FBXO30: variants seen among roughly 807,000 people sequenced by gnomAD.
FBXO30 encodes the protein F-box protein 30, also known as F-box only protein 30.
FBXO30 carries 21 observed loss-of-function variants against 58.1 expected under a neutral mutation model. That is an observed-to-expected ratio of 0.36 (90% CI 0.26 to 0.52). FBXO30 has a LOEUF of 0.52. Ranked by LOEUF, FBXO30 falls within the 20% of genes least tolerant of loss-of-function variation. FBXO30 has a pLI of 0.93. For missense variants in FBXO30, 744 were observed against 897.3 expected (o/e 0.83, Z 2.18); for synonymous variants, 309 against 312.4 (o/e 0.99, Z 0.11).
rs771284799 is a variant in FBXO30 at position 145,805,892 on chromosome 6, C to T, written c.514G>A (p.Val172Met). The change falls in exon 2 of 3, where the codon GTG becomes ATG. Residue 172 changes from valine (V) to methionine (M), a missense_variant. Transcript: ENST00000237281. ...CCATAAGATTCTTCATCAACAGACA[C>T]TAAACCATTAGCATGTGGTATTTCT... ...VPEIPHANGL[V>M]SVDEESYGAL... The T allele has an allele frequency of 6.2e-7, 1 of 1,614,052 alleles. No homozygotes were observed.
chr6:145,804,961 G>A lies in FBXO30; in HGVS notation c.1445C>T (p.Ala482Val), dbSNP rs1305290753. Residue 482 changes from alanine (A) to valine (V), a missense_variant, in exon 2 of 3, where the codon GCT becomes GTT. Physicochemically the swap from Ala to Val is moderately conservative, Grantham distance 64. Transcript: ENST00000237281. ...AAGCTGTGGATTGGCATGATCACAA[G>A]CTGAAGCTGAAGCTATCTCCCCAAC... Reference protein sequence around the residue: ...TMVGEIASASACDHANPQLSN... With the variant: ...TMVGEIASASVCDHANPQLSN... 2 of 1,613,880 alleles carry A rather than the reference G, an allele frequency of 1.2e-6. No homozygotes were observed. The highest frequency in any genetic ancestry group is 1.7e-6 in the Non-Finnish European group (2 of 1,179,928).
rs1777893170 is a variant in FBXO30, at chr6:145,797,781, A to G, written c.*2325T>C. 1 of 152,058 alleles carries G rather than the reference A, an allele frequency of 6.6e-6. No homozygotes were observed. Among genetic ancestry groups the G allele is most frequent in the East Asian group, 1.9e-4 (1 of 5,202 alleles). 9.4% of individuals were successfully genotyped at this position (152,058 alleles called of 1,614,324 possible). A position where few individuals can be genotyped will look rare whatever the true frequency, so the allele number is the denominator to read the frequency against. On this transcript the variant is annotated 3_prime_UTR_variant, in exon 3 of 3. Transcript: ENST00000237281. ...AATTCAAATACTTCCCTCCATCCCG[A>G]TGCTTGCCTTTTACCTTGCTATTTA...
Position 145,799,437 on chromosome 6 carries a change from G to A in FBXO30, c.*669C>T, listed in dbSNP as rs1165531719. On this transcript the variant is annotated 3_prime_UTR_variant, in exon 3 of 3. Transcript: ENST00000237281. The stretch of plus-strand genomic sequence containing the variant: ...CCTGTCATATAACACACTGCGATGA[G>A]TCTTCGGATGTGGCATCTAACAAAA... 6.6e-6 allele frequency: 1 copy of A among 152,218 alleles called. No individual in the cohort carries two copies. Among genetic ancestry groups the A allele is most frequent in the Non-Finnish European group, 1.5e-5 (1 of 68,016 alleles). 9.4% of individuals were successfully genotyped at this position (152,218 alleles called of 1,614,324 possible).
In FBXO30 at chr6:145,798,105, C is replaced by T. The variant is rs1446427058; in HGVS notation, c.*2001G>A. Reference sequence around the variant, plus strand: ...ACTACCATAACATGCAGAAAATCCACATTACAGAAACAATATGATTGTGTT... The same window carrying T: ...ACTACCATAACATGCAGAAAATCCATATTACAGAAACAATATGATTGTGTT... On this transcript the variant is annotated 3_prime_UTR_variant, in exon 3 of 3. Coordinates refer to ENST00000237281, the MANE Select transcript of FBXO30 (RefSeq NM_032145.5). 1.3e-5 allele frequency: 2 copies of T among 151,990 alleles called. No individual in the cohort carries two copies. Among genetic ancestry groups the T allele is most frequent in the African/African-American group, 4.8e-5 (2 of 41,402 alleles). 9.4% of individuals were successfully genotyped at this position (151,990 alleles called of 1,614,324 possible). A position where few individuals can be genotyped will look rare whatever the true frequency, so the allele number is the denominator to read the frequency against.
In FBXO30 at chr6:145,806,391, C is replaced by G; in HGVS notation, c.15G>C (p.Leu5=). The G allele has an allele frequency of 6.2e-7, 1 of 1,613,430 alleles. No individual in the cohort carries two copies. The highest frequency in any genetic ancestry group is 8.5e-7 in the Non-Finnish European group (1 of 1,179,890). Residue 5 remains leucine (L), a synonymous_variant, in exon 2 of 3, where the codon CTG becomes CTC. Coordinates refer to ENST00000237281, the MANE Select transcript of FBXO30 (RefSeq NM_032145.5). MEEE[L]QHSHCVNCVS... The stretch of plus-strand genomic sequence containing the variant: ...CACAATTCACACAATGGGAATGCTG[C>G]AGCTCCTCCTCCATAATGGCCAGTC...
At position 145,804,494 on chromosome 6, in the gene FBXO30, A is replaced by G. The variant is rs1431414474; in HGVS notation, c.1912T>C (p.Cys638Arg). The G allele has an allele frequency of 1.9e-6, 3 of 1,613,724 alleles. No homozygotes were observed. The highest frequency in any genetic ancestry group is 1.1e-5 in the South Asian group (1 of 91,068). ...ACATCCCTCATTAACTTGGATACAC[A>G]TGAGAGCTGACATAAGCTGAAGCCA... Reference protein sequence around the residue: ...LDGFSLCQLSCVSKLMRDVCG... With the variant: ...LDGFSLCQLSRVSKLMRDVCG... The change falls in exon 2 of 3, where the codon TGT becomes CGT. Residue 638 changes from cysteine to arginine, a missense_variant. Coordinates refer to ENST00000237281, the MANE Select transcript of FBXO30 (RefSeq NM_032145.5).
At position 145,794,774 on chromosome 6, in the gene FBXO30, GA is replaced by G. The variant is rs1013341179; in HGVS notation, c.*5331del. 1.3e-4 allele frequency: 19 copies of G among 151,248 alleles called. No homozygotes were observed. Among genetic ancestry groups the G allele is most frequent in the African/African-American group, 4.6e-4 (19 of 41,354 alleles). The allele number at this position is 151,248 out of a possible 1,614,324, so 9.4% of individuals were successfully genotyped here. A position where few individuals can be genotyped will look rare whatever the true frequency, so the allele number is the denominator to read the frequency against. ...TCAGCAATACTTGCTGATTTTTGAA[GA>G]AAAAAATGAAAAAAAATTTGTTTCT... On this transcript the variant is annotated 3_prime_UTR_variant, in exon 3 of 3. Transcript: ENST00000237281.
chr6:145,806,033 C>T lies in FBXO30; in HGVS notation c.373G>A (p.Ala125Thr). The change falls in exon 2 of 3, where the codon GCT becomes ACT. Residue 125 changes from alanine (A) to threonine (T), a missense_variant. By Grantham distance (58) the Ala-to-Thr change is moderately conservative. Around this residue, in one of 3 missense-constraint regions of FBXO30, gnomAD observed 135 missense variants for 201.6 expected, o/e 0.67. Coordinates refer to ENST00000237281, the MANE Select transcript of FBXO30 (RefSeq NM_032145.5). ...AAGAGCATCCTTTGGTCTTGAAGAG[C>T]CAAGGCCATATCCAATTGTGCCACT... ...DEVAQLDMAL[A>T]LQDQRMLLES... is the part of the protein sequence containing the mutation. 6.2e-7 allele frequency: 1 copy of T among 1,614,016 alleles called. No homozygotes were observed. The highest frequency in any genetic ancestry group is 8.5e-7 in the Non-Finnish European group (1 of 1,179,978).
rs140656607 is a variant in FBXO30 at position 145,805,155 on chromosome 6, A to T, written c.1251T>A (p.Pro417=). ...TCAGATCTATTCCTTGGAGGCCCATAGGATCTTCTGCAACTTCCAAATCTG... is the reference window on the plus strand; with the variant it reads ...TCAGATCTATTCCTTGGAGGCCCATTGGATCTTCTGCAACTTCCAAATCTG... ...DTSDLEVAED[P]MGLQGIDLIT... Residue 417 remains proline, a synonymous_variant, in exon 2 of 3, where the codon CCT becomes CCA. Coordinates refer to ENST00000237281, the MANE Select transcript of FBXO30 (RefSeq NM_032145.5). 394 of 1,613,972 alleles carry T rather than the reference A, an allele frequency of 2.4e-4. No individual in the cohort carries two copies. The highest frequency in any genetic ancestry group is 4.0e-4 in the African/African-American group (30 of 74,922).
intron 1 of FBXO30, among the ~76,000 whole-genome samples, chr6:145,810,351 C>G (rs911021556): frequency 5.9e-5 from 9 of 152,142 alleles, no homozygotes; most frequent in African/African-American, 2.2e-4. Context: ...ATCAAGACCA[C>G]TACTATCAAA....
At chr6:145,809,137 G>C (rs1306088611) in intron 1 of FBXO30, among the ~76,000 whole-genome samples, 1 of 151,962 alleles carries the variant, frequency 6.6e-6, no homozygotes, top group Non-Finnish European at 1.5e-5. Flanking sequence ...ATGAATTTTA[G>C]ACATAAGTAT....
Position 145,799,484 on chromosome 6 carries a change from T to G in FBXO30, c.*622A>C, listed in dbSNP as rs1477020073. On this transcript the variant is annotated 3_prime_UTR_variant, in exon 3 of 3. Transcript: ENST00000237281. The stretch of plus-strand genomic sequence containing the variant: ...AAAAAAGAAAGCTGCACATGGTCAC[T>G]CTGTGTGTTGAGTTGTAAGTATGTG... The G allele has an allele frequency of 6.6e-6, 1 of 152,438 alleles. No individual in the cohort carries two copies. The highest frequency in any genetic ancestry group is 2.4e-5 in the African/African-American group (1 of 41,450). The allele number at this position is 152,438 out of a possible 1,614,324, so 9.4% of individuals were successfully genotyped here. A position where few individuals can be genotyped will look rare whatever the true frequency, so the allele number is the denominator to read the frequency against.
rs1263782125 is a variant in FBXO30 at position 145,798,031 on chromosome 6, A to T, written c.*2075T>A. 6.6e-6 allele frequency: 1 copy of T among 152,062 alleles called. No homozygotes were observed. The highest frequency in any genetic ancestry group is 1.9e-4 in the East Asian group (1 of 5,200). 9.4% of individuals were successfully genotyped at this position (152,062 alleles called of 1,614,324 possible). A position where few individuals can be genotyped will look rare whatever the true frequency, so the allele number is the denominator to read the frequency against. ...TAATGCGTGTCTCAAATTTTAAAAA[A>T]ATTAAGGTTCACTAGTAAAACATGG... On this transcript the variant is annotated 3_prime_UTR_variant, in exon 3 of 3. Transcript: ENST00000237281.
At chr6:145,803,565 T>TA (rs1185370283) in intron 2 of FBXO30, among the ~76,000 whole-genome samples, 4 of 152,046 alleles carry the variant, frequency 2.6e-5, no homozygotes, top group African/African-American at 9.7e-5. Context: ...TGTTCAAAAA[T>TA]AAAAAAACCT....
chr6:145,802,491 G>A lies in FBXO30; in HGVS notation c.2034+1881C>T, dbSNP rs1778032790. Among the ~76,000 whole-genome samples the A allele has an allele frequency of 1.3e-5, 2 of 152,094 alleles. 1 individual carries two copies. The highest frequency in any genetic ancestry group is 1.3e-4 in the Admixed American group (2 of 15,258). Reference sequence around the variant, plus strand: ...AGACTTAACGCAAGAAAAAACATCAGGGAACTGTAAGTAAATCAATGCGGT... The same window carrying A: ...AGACTTAACGCAAGAAAAAACATCAAGGAACTGTAAGTAAATCAATGCGGT... On this transcript the variant is annotated intron_variant, in intron 2 of 2. Coordinates refer to ENST00000237281, the MANE Select transcript of FBXO30 (RefSeq NM_032145.5).
At position 145,797,616 on chromosome 6, in the gene FBXO30, C is replaced by T. The variant is rs1465378132; in HGVS notation, c.*2490G>A. 17 of 152,046 alleles carry T rather than the reference C, an allele frequency of 1.1e-4. No homozygotes were observed. Among genetic ancestry groups the T allele is most frequent in the Middle Eastern group, 6.8e-3 (2 of 294 alleles). 9.4% of individuals were successfully genotyped at this position (152,046 alleles called of 1,614,324 possible). A position where few individuals can be genotyped will look rare whatever the true frequency, so the allele number is the denominator to read the frequency against. ...GTTGATGTTCCTGCTGGTCCAAGGACCACACTTTAGGAACCACTGCTGTAA... is the reference window on the plus strand; with the variant it reads ...GTTGATGTTCCTGCTGGTCCAAGGATCACACTTTAGGAACCACTGCTGTAA... On this transcript the variant is annotated 3_prime_UTR_variant, in exon 3 of 3. Transcript: ENST00000237281.
At position 145,794,068 on chromosome 6, in the gene FBXO30, G is replaced by C. The variant is rs1777823489; in HGVS notation, c.*6038C>G. The stretch of plus-strand genomic sequence containing the variant: ...AATGTGCAACTATCCCCACTATCTT[G>C]TTCTACAATATTTTCATCAATCCAA... On this transcript the variant is annotated 3_prime_UTR_variant, in exon 3 of 3. Coordinates refer to ENST00000237281, the MANE Select transcript of FBXO30 (RefSeq NM_032145.5). 1 of 151,804 alleles carries C rather than the reference G, an allele frequency of 6.6e-6. No individual in the cohort carries two copies. The highest frequency in any genetic ancestry group is 1.5e-5 in the Non-Finnish European group (1 of 67,816). 9.4% of individuals were successfully genotyped at this position (151,804 alleles called of 1,614,324 possible). A position where few individuals can be genotyped will look rare whatever the true frequency, so the allele number is the denominator to read the frequency against.
At chr6:145,810,800 A>G (rs2128668090) in intron 1 of FBXO30, among the ~76,000 whole-genome samples, 1 of 152,354 alleles carries the variant, frequency 6.6e-6, no homozygotes, top group East Asian at 1.9e-4. Flanking sequence ...ATTTTAAAAT[A>G]TAAGAGTCAT....
rs756003976 is a variant in FBXO30 at position 145,804,500 on chromosome 6, G to C, written c.1906C>G (p.Leu636Val). 1.2e-6 allele frequency: 2 copies of C among 1,613,754 alleles called. No individual in the cohort carries two copies. Among genetic ancestry groups the C allele is most frequent in the Non-Finnish European group, 1.7e-6 (2 of 1,179,810 alleles). Residue 636 changes from leucine (L) to valine (V), a missense_variant, in exon 2 of 3, where the codon CTC becomes GTC. Around this residue, in one of 3 missense-constraint regions of FBXO30, gnomAD observed 334 missense variants for 433.7 expected, o/e 0.77. Transcript: ENST00000237281. ...CTCATTAACTTGGATACACATGAGAGCTGACATAAGCTGAAGCCATCGAGA... is the reference window on the plus strand; with the variant it reads ...CTCATTAACTTGGATACACATGAGACCTGACATAAGCTGAAGCCATCGAGA... ...GFLDGFSLCQ[L>V]SCVSKLMRDV...
Sources: allele counts gnomAD v4.1 joint callset (sites outside exome capture counted in the v4.1 genomes callset), GRCh38; gene constraint gnomAD v4.1.1; regional missense constraint gnomAD v4.1.1; transcripts MANE v1.5; gene names NCBI Gene and HGNC (gene_info 2026-07-23, HGNC 2026-07-21).